Variants in BCL2 observed in about 807,000 individuals in gnomAD.
The protein encoded by BCL2 is BCL2 apoptosis regulator, also known as apoptosis regulator Bcl-2.
BCL2 carries 1 observed loss-of-function variant against 14.2 expected under a neutral mutation model. The observed-to-expected ratio is 0.07, with a 90% CI of 0.02 to 0.33. The LOEUF is 0.33. Ranked by LOEUF, BCL2 falls within the 10% of genes least tolerant of loss-of-function variation. The pLI, the probability that BCL2 is intolerant of heterozygous loss-of-function variation, is 0.99. For synonymous variants in BCL2, 151 were observed against 137.2 expected (o/e 1.10, Z -0.70); for missense variants, 247 against 305.9 (o/e 0.81, Z 1.44).
intron 2 of BCL2, among the ~76,000 whole-genome samples, chr18:63,144,398 C>A (rs1387568452): frequency 6.6e-6 from 1 of 152,176 alleles, no homozygotes; most frequent in Non-Finnish European, 1.5e-5. Flanking sequence ...GGTCACACAA[C>A]TTGCTCAAAG....
intron 2 of BCL2, among the ~76,000 whole-genome samples, chr18:63,305,336 G>A (rs1913091160): frequency 6.6e-6 from 1 of 152,176 alleles, no homozygotes; most frequent in Non-Finnish European, 1.5e-5. Flanking sequence ...AGCAGCACAG[G>A]ATAAAGAAAT....
At chr18:63,296,870 T>C (rs890544107) in intron 2 of BCL2, among the ~76,000 whole-genome samples, 1 of 152,246 alleles carries the variant, frequency 6.6e-6, no homozygotes, top group Non-Finnish European at 1.5e-5. Flanking sequence ...GGTGACCACA[T>C]TGTGCAATAA....
rs190696645 is a variant in BCL2, at chr18:63,214,925, T to G, written c.586-86166A>C. 1.2e-4 allele frequency among the ~76,000 whole-genome samples: 19 copies of G among 152,204 alleles called. No individual in the cohort carries two copies. The East Asian group carries it at 2.9e-3, about 23-fold the overall frequency. On this transcript the variant is annotated intron_variant, in intron 2 of 2. Coordinates refer to ENST00000333681, the MANE Select transcript of BCL2 (RefSeq NM_000633.3). ...GGTTTCACCATGTTGGCCAGGCTGG[T>G]CTCAAACTCCTGACCTCAAGTGACC...
Position 63,203,564 on chromosome 18 carries a change from T to C in BCL2, c.586-74805A>G, listed in dbSNP as rs147440388. 8.5e-5 allele frequency among the ~76,000 whole-genome samples: 13 copies of C among 152,326 alleles called. No individual in the cohort carries two copies. The East Asian group carries it at 2.5e-3, about 29-fold the overall frequency. ...ACAAGTCCCTACTAGTAAGATGCGA[T>C]TAATGGGACAACGTCAAGTTTATTG... is the stretch of plus-strand genomic sequence containing the variant. On this transcript the variant is annotated intron_variant, in intron 2 of 2. Transcript: ENST00000333681.
At chr18:63,255,196 CTT>C (rs1911436200) in intron 2 of BCL2, among the ~76,000 whole-genome samples, 1 of 152,222 alleles carries the variant, frequency 6.6e-6, no homozygotes, top group African/African-American at 2.4e-5. Context: ...AAAGCCAGCA[CTT>C]GTCACCTTCT....
rs548962942 is a variant in BCL2 at position 63,262,194 on chromosome 18, G to A, written c.585+55888C>T. Reference sequence around the variant, plus strand: ...GGCCTCCCACAGTGCTGGGATTACAGGCGTGAGTCACTGTGCCCAGCCACA... The same window carrying A: ...GGCCTCCCACAGTGCTGGGATTACAAGCGTGAGTCACTGTGCCCAGCCACA... On this transcript the variant is annotated intron_variant, in intron 2 of 2. Transcript: ENST00000333681. 2.1e-4 allele frequency among the ~76,000 whole-genome samples: 32 copies of A among 152,318 alleles called. 1 individual carries two copies. The highest frequency in any genetic ancestry group is 7.2e-4 in the African/African-American group (30 of 41,570).
chr18:63,274,374 T>C (rs1422352876), intron 2 of BCL2, among the ~76,000 whole-genome samples: 2 of 147,672 alleles, frequency 1.4e-5, no homozygotes, highest in Non-Finnish European at 3.0e-5. Context: ...CCTCCTCCTC[T>C]TGGGTTCAAG....
At chr18:63,133,405 C>T (rs1204388551) in intron 2 of BCL2, among the ~76,000 whole-genome samples, 1 of 143,260 alleles carries the variant, frequency 7.0e-6, no homozygotes, top group East Asian at 2.1e-4. Context: ...ATTCTTCTGC[C>T]TCAGCCTCCC....
At chr18:63,295,204 A>T (rs1912766257) in intron 2 of BCL2, among the ~76,000 whole-genome samples, 1 of 151,432 alleles carries the variant, frequency 6.6e-6, no homozygotes, top group Admixed American at 6.6e-5. Flanking sequence ...TTATTATTAT[A>T]ATTCATAGAA....
chr18:63,293,780 C>T (rs779724248), intron 2 of BCL2, among the ~76,000 whole-genome samples: 35 of 152,236 alleles, frequency 2.3e-4, no homozygotes, highest in Non-Finnish European at 3.1e-4. Context: ...AGTCCCATTT[C>T]AAAATCTAAA....
chr18:63,164,962 G>A (rs892601244), intron 2 of BCL2, among the ~76,000 whole-genome samples: 1 of 152,216 alleles, frequency 6.6e-6, no homozygotes, highest in Non-Finnish European at 1.5e-5. Context: ...TTAAGAAAAT[G>A]TGAATGCTAG....
intron 2 of BCL2, among the ~76,000 whole-genome samples, chr18:63,291,141 C>G (rs1344187748): frequency 1.3e-5 from 2 of 152,172 alleles, no homozygotes; most frequent in Non-Finnish European, 2.9e-5. Context: ...TTCCTGTGGC[C>G]TAATTTATGC....
chr18:63,140,623 T>C (rs1053345313), intron 2 of BCL2, among the ~76,000 whole-genome samples: 15 of 152,176 alleles, frequency 9.9e-5, no homozygotes, highest in African/African-American at 3.6e-4. Flanking sequence ...AAAAGTGGAT[T>C]AGAGGTTCCC....
intron 2 of BCL2, among the ~76,000 whole-genome samples, chr18:63,223,439 GTTT>G (rs1323451346): frequency 6.6e-6 from 1 of 151,870 alleles, no homozygotes; most frequent in Non-Finnish European, 1.5e-5. Context: ...GAGGGAAACT[GTTT>G]AAGAATCAGT....
chr18:63,280,395 T>C (rs557784893), intron 2 of BCL2, among the ~76,000 whole-genome samples: 1 of 152,348 alleles, frequency 6.6e-6, no homozygotes, highest in African/African-American at 2.4e-5. Context: ...TGGCATACTG[T>C]AAGCCTCAAG....
rs1370887814 is a variant in BCL2 at position 63,149,956 on chromosome 18, T to TGG, written c.586-21198_586-21197insCC. 6.6e-6 allele frequency among the ~76,000 whole-genome samples: 1 copy of TGG among 152,126 alleles called. No homozygotes were observed. The highest frequency in any genetic ancestry group is 1.5e-5 in the Non-Finnish European group (1 of 68,018). ...GTGCAGTGGTGCGATCTCGGCTCAC[T>TGG]GCAGCCTCTGCCTCCCAGGTTCAAG... On this transcript the variant is annotated intron_variant, in intron 2 of 2. Coordinates refer to ENST00000333681, the MANE Select transcript of BCL2 (RefSeq NM_000633.3). This position sits in a 1 kb window ranked among gnomAD's most constrained non-coding sequence, Gnocchi z 4.2.
At chr18:63,248,614 A>G (rs1224040809) in intron 2 of BCL2, among the ~76,000 whole-genome samples, 4 of 152,216 alleles carry the variant, frequency 2.6e-5, no homozygotes, top group African/African-American at 7.2e-5. Context: ...TAAGAGCTTC[A>G]TAGAGAGACA....
intron 2 of BCL2, among the ~76,000 whole-genome samples, chr18:63,296,801 A>G (rs1912809757): frequency 6.6e-6 from 1 of 152,242 alleles, no homozygotes; most frequent in Non-Finnish European, 1.5e-5. Flanking sequence ...CTCATTGAAG[A>G]AAAAAGGAAA....
chr18:63,256,897 T>C (rs1911493494), intron 2 of BCL2, among the ~76,000 whole-genome samples: 1 of 151,874 alleles, frequency 6.6e-6, no homozygotes, highest in African/African-American at 2.4e-5. Context: ...ACAAGGTTGA[T>C]CTAGGACAAC....
Sources: allele counts gnomAD v4.1 joint callset (sites outside exome capture counted in the v4.1 genomes callset), GRCh38; gene constraint gnomAD v4.1.1; non-coding constraint Gnocchi (gnomAD v3.1); transcripts MANE v1.5; gene names NCBI Gene and HGNC (gene_info 2026-07-23, HGNC 2026-07-21).